The following PATJ variants were observed in gnomAD, a reference collection of about 807,000 sequenced individuals.
PATJ encodes inaD-like protein.
In PATJ, 190 loss-of-function variants were observed where a neutral mutation model predicts 224.9. The ratio of observed to expected loss-of-function variants is 0.84; its 90% CI spans 0.75 to 0.95. The LOEUF (loss-of-function observed/expected upper bound fraction) is 0.95. Ranked by LOEUF, PATJ falls within the 40% of genes least tolerant of loss-of-function variation. The probability of loss-of-function intolerance (pLI) is 0.00; values close to 1 mark genes in which losing one functional copy is unlikely to be tolerated. For synonymous variants in PATJ, 769 were observed against 820.3 expected (o/e 0.94, Z 1.07); for missense variants, 2,121 against 2,270.3 (o/e 0.93, Z 1.34).
At chr1:61,816,282 T>C (rs1656090547) in intron 14 of PATJ, 1 of 152,194 alleles carries the variant, frequency 6.6e-6, no homozygotes, top group African/African-American at 2.4e-5. Context: ...CCTATATTTC[T>C]AATAGTAACC....
intron 12 of PATJ, among the ~76,000 whole-genome samples, chr1:61,802,104 A>G (rs1007981016): frequency 6.6e-6 from 1 of 151,976 alleles, no homozygotes; most frequent in South Asian, 2.1e-4. Context: ...ACCCCACGAC[A>G]GGCCCTGAGA....
intron 31 of PATJ, among the ~76,000 whole-genome samples, chr1:62,070,453 A>G (rs978666350): frequency 6.6e-6 from 1 of 152,208 alleles, no homozygotes; most frequent in Non-Finnish European, 1.5e-5. Context: ...CTAACACTTT[A>G]TAAAGCCCAT....
At position 61,864,488 on chromosome 1, in the gene PATJ, C is replaced by A; in HGVS notation, c.2690C>A (p.Ala897Asp). 2 of 1,613,696 alleles carry A rather than the reference C, an allele frequency of 1.2e-6. No individual in the cohort carries two copies. Among genetic ancestry groups the A allele is most frequent in the Non-Finnish European group, 1.7e-6 (2 of 1,179,610 alleles). Residue 897 changes from alanine to aspartate, a missense_variant, in exon 20 of 44, where the codon GCC becomes GAC. Coordinates refer to ENST00000642238, the MANE Select transcript of PATJ (RefSeq NM_001350145.3). ...TATCCCTTGTCGCACATTCAAGAGG[C>A]CACTCCTGTGCCCTCTGTGAATGAA... ...ELYPLSHIQE[A>D]TPVPSVNELH...
At chr1:61,806,001 A>G (rs914047261) in intron 13 of PATJ, among the ~76,000 whole-genome samples, 1 of 152,244 alleles carries the variant, frequency 6.6e-6, no homozygotes, top group Admixed American at 6.5e-5. Context: ...TTGGAAGAAC[A>G]GGAAGTAATT....
At chr1:62,053,532 C>G (rs1266412474) in intron 31 of PATJ, among the ~76,000 whole-genome samples, 3 of 152,138 alleles carry the variant, frequency 2.0e-5, no homozygotes, top group Non-Finnish European at 4.4e-5. Flanking sequence ...CCAGCCTGAC[C>G]AACATGGAGA....
At chr1:62,121,654 A>G (rs1339176962) in intron 38 of PATJ, among the ~76,000 whole-genome samples, 3 of 152,142 alleles carry the variant, frequency 2.0e-5, no homozygotes, top group African/African-American at 7.2e-5. Flanking sequence ...CTGTAGTCCC[A>G]GCTACTCAGG....
At chr1:61,943,549 C>T (rs541494581) in intron 27 of PATJ, among the ~76,000 whole-genome samples, 1 of 152,272 alleles carries the variant, frequency 6.6e-6, no homozygotes, top group Admixed American at 6.5e-5. Flanking sequence ...GGGTGTCCCC[C>T]ATTGCTGAGG....
intron 16 of PATJ, among the ~76,000 whole-genome samples, chr1:61,828,912 A>G (rs1193275734): frequency 6.6e-6 from 1 of 152,152 alleles, no homozygotes; most frequent in Non-Finnish European, 1.5e-5. Context: ...CTTTCTGTTC[A>G]TATTTTTCCT....
chr1:61,813,332 T>TAC (rs1655235422), intron 14 of PATJ, among the ~76,000 whole-genome samples: 1 of 47,352 alleles, frequency 2.1e-5, no homozygotes, highest in Admixed American at 3.6e-4. Flanking sequence ...CTATGGAATG[T>TAC]ACATATATAT....
intron 12 of PATJ, among the ~76,000 whole-genome samples, chr1:61,803,578 A>G (rs1652978266): frequency 6.6e-6 from 1 of 152,216 alleles, no homozygotes; most frequent in Non-Finnish European, 1.5e-5. Flanking sequence ...AAAGCCAATA[A>G]CAACACTGGC....
chr1:61,875,233 T>A lies in PATJ; in HGVS notation c.2836-10T>A. The A allele has an allele frequency of 6.4e-7, 1 of 1,556,080 alleles. No homozygotes were observed. Among genetic ancestry groups the A allele is most frequent in the Non-Finnish European group, 8.8e-7 (1 of 1,137,714 alleles). On this transcript the variant is annotated splice_polypyrimidine_tract_variant and intron_variant, in intron 20 of 43. Coordinates refer to ENST00000642238, the MANE Select transcript of PATJ (RefSeq NM_001350145.3). The stretch of plus-strand genomic sequence containing the variant: ...AGTACTAATGCATTTCTATTTTTCT[T>A]CCTCTCAAGATGAAAGAAAATTTTG...
chr1:62,128,607 CT>C (rs1471362972), intron 40 of PATJ: 3 of 490,570 alleles, frequency 6.1e-6, no homozygotes, highest in Non-Finnish European at 1.1e-5. Context: ...CAAAAATGGC[CT>C]ACTGTGCCTT....
chr1:61,772,534 C>T (rs1223755546), intron 6 of PATJ, among the ~76,000 whole-genome samples: 1 of 152,080 alleles, frequency 6.6e-6, no homozygotes, highest in Non-Finnish European at 1.5e-5. Flanking sequence ...ACACTAAGTG[C>T]TAGCTGATTT....
chr1:61,871,435 G>GTATATATATACATATATA (rs72255413), intron 20 of PATJ, among the ~76,000 whole-genome samples: 30 of 72,152 alleles, frequency 4.2e-4, no homozygotes, highest in Non-Finnish European at 7.2e-4. Context: ...ACATATATAT[G>GTATATATATACATATATA]TGTATATACA....
Position 62,160,968 on chromosome 1 carries a change from G to T in PATJ, c.5563G>T (p.Glu1855Ter). 1 of 1,613,780 alleles carries T rather than the reference G, an allele frequency of 6.2e-7. No homozygotes were observed. Among genetic ancestry groups the T allele is most frequent in the Non-Finnish European group, 8.5e-7 (1 of 1,179,926 alleles). Residue 1855 changes from glutamate (E) to a stop codon, truncating the protein, a stop_gained, in exon 44 of 44, where the codon GAG becomes TAG. Coordinates refer to ENST00000642238, the MANE Select transcript of PATJ (RefSeq NM_001350145.3). LOFTEE classifies it high-confidence loss of function. ...GGATCAGATTTTAGCTGTTAATGGC[G>T]AGACCCTGGAAGGTGTTACTCATGA... ...RGDQILAVNG[E>*]TLEGVTHEQA...
At chr1:61,823,438 A>C (rs1406684371) in intron 15 of PATJ, among the ~76,000 whole-genome samples, 1 of 152,224 alleles carries the variant, frequency 6.6e-6, no homozygotes, top group African/African-American at 2.4e-5. Context: ...CTACAGCTGA[A>C]TGACCTCAGG....
intron 4 of PATJ, 74 bp from the exon 5 acceptor site, chr1:61,769,209 A>C: frequency 6.8e-7 from 1 of 1,463,322 alleles, no homozygotes; most frequent in Non-Finnish European, 9.2e-7. Context: ...ATGCTAAGCA[A>C]TTTCAGTTCT....
At chr1:62,125,268 A>C (rs892937938) in intron 39 of PATJ, among the ~76,000 whole-genome samples, 1 of 148,560 alleles carries the variant, frequency 6.7e-6, no homozygotes, top group Non-Finnish European at 1.5e-5. Context: ...AAAAAACAAA[A>C]AAAAAACGCC....
chr1:62,043,172 C>G (rs1395765298), intron 30 of PATJ, among the ~76,000 whole-genome samples: 1 of 152,122 alleles, frequency 6.6e-6, no homozygotes, highest in Non-Finnish European at 1.5e-5. Flanking sequence ...TTCTGTAAAG[C>G]CAGGTTAATA....
Sources: allele counts gnomAD v4.1 joint callset (sites outside exome capture counted in the v4.1 genomes callset), GRCh38; gene constraint gnomAD v4.1.1; transcripts MANE v1.5; gene names NCBI Gene and HGNC (gene_info 2026-07-23, HGNC 2026-07-21).